CSNK1G3: variants seen among roughly 807,000 people sequenced by gnomAD.
The protein encoded by CSNK1G3 is casein kinase 1 gamma 3.
Under a neutral mutation model 64.3 loss-of-function variants are expected in CSNK1G3, and 23 were observed. The ratio of observed to expected loss-of-function variants is 0.36; its 90% CI spans 0.26 to 0.51. CSNK1G3 has a LOEUF of 0.51. Among genes scored for constraint, CSNK1G3 ranks in the 20% least tolerant of loss-of-function variants. The pLI, the probability that CSNK1G3 is intolerant of heterozygous loss-of-function variation, is 0.96. For missense variants in CSNK1G3, 357 were observed against 510.5 expected, an observed-to-expected ratio of 0.70 and a Z score of 2.90; for synonymous variants, 158 against 162.2, an observed-to-expected ratio of 0.97 and a Z score of 0.20.
chr5:123,594,955 G>A, intron 10 of CSNK1G3, 84 bp from the exon 11 acceptor site: 2 of 1,159,434 alleles, frequency 1.7e-6, no homozygotes, highest in Non-Finnish European at 2.5e-6. Flanking sequence ...TTATACGTTT[G>A]TTTTATATAT....
At chr5:123,560,859 A>G (rs538930712) in intron 4 of CSNK1G3, among the ~76,000 whole-genome samples, 2 of 152,250 alleles carry the variant, frequency 1.3e-5, no homozygotes, top group African/African-American at 2.4e-5. Context: ...GAGTTTCAGT[A>G]TGGGATGATG....
chr5:123,555,405 T>G (rs1255125686), intron 3 of CSNK1G3, among the ~76,000 whole-genome samples: 1 of 152,206 alleles, frequency 6.6e-6, no homozygotes, highest in Non-Finnish European at 1.5e-5. Flanking sequence ...TGATTTTGTT[T>G]AGACCTGCCA....
At chr5:123,512,962 G>C (rs1443733622) in intron 1 of CSNK1G3, among the ~76,000 whole-genome samples, 2 of 152,080 alleles carry the variant, frequency 1.3e-5, no homozygotes, top group African/African-American at 4.8e-5. Context: ...CGCCCACGGT[G>C]CTCCTTGACT....
At chr5:123,514,646 G>A (rs1776821722) in intron 1 of CSNK1G3, among the ~76,000 whole-genome samples, 1 of 151,900 alleles carries the variant, frequency 6.6e-6, no homozygotes, top group African/African-American at 2.4e-5. Flanking sequence ...ATTTTGAATG[G>A]ATGTAGAGCT....
chr5:123,528,943 T>C (rs1779493478), intron 1 of CSNK1G3, among the ~76,000 whole-genome samples: 1 of 152,214 alleles, frequency 6.6e-6, no homozygotes, highest in East Asian at 1.9e-4. Flanking sequence ...GTGTTCCCAG[T>C]TGACGTTGAA....
At chr5:123,587,426 C>A (rs1263734109) in intron 6 of CSNK1G3, among the ~76,000 whole-genome samples, 1 of 152,138 alleles carries the variant, frequency 6.6e-6, no homozygotes, top group Non-Finnish European at 1.5e-5. Flanking sequence ...TCTCCCTGAG[C>A]CTTAGTCTGT....
intron 4 of CSNK1G3, among the ~76,000 whole-genome samples, chr5:123,570,646 G>A (rs1270175763): frequency 6.6e-6 from 1 of 152,060 alleles, no homozygotes; most frequent in African/African-American, 2.4e-5. Context: ...ATGAGCTACC[G>A]CGCCCAGCCG....
intron 12 of CSNK1G3, among the ~76,000 whole-genome samples, chr5:123,608,761 C>T (rs1795799113): frequency 6.6e-6 from 1 of 151,996 alleles, no homozygotes; most frequent in African/African-American, 2.4e-5. Context: ...TTCAAGGTTT[C>T]TGATTTTACT....
At chr5:123,605,471 A>C in intron 12 of CSNK1G3, 109 bp downstream of exon 13, 1 of 1,181,354 alleles carries the variant, frequency 8.5e-7, no homozygotes, top group Non-Finnish European at 1.2e-6. Flanking sequence ...AGTGATTATA[A>C]TTGGTAAAAG....
chr5:123,574,356 A>G (rs974690539), intron 5 of CSNK1G3, among the ~76,000 whole-genome samples: 4 of 152,218 alleles, frequency 2.6e-5, no homozygotes, highest in Non-Finnish European at 5.9e-5. Flanking sequence ...TGACTCATTA[A>G]TTCTACAAAT....
chr5:123,513,433 G>A (rs1776609037), intron 1 of CSNK1G3, among the ~76,000 whole-genome samples: 1 of 152,120 alleles, frequency 6.6e-6, no homozygotes, highest in Non-Finnish European at 1.5e-5. Flanking sequence ...GAGTGTGCCT[G>A]TGTGTGTGGG....
chr5:123,589,055 A>C (rs11738688), intron 8 of CSNK1G3, among the ~76,000 whole-genome samples: 5 of 152,100 alleles, frequency 3.3e-5, no homozygotes, highest in Non-Finnish European at 5.9e-5. Flanking sequence ...TTTACTTAAG[A>C]TTTCTACATC....
At chr5:123,564,630 T>C (rs2150531199) in intron 4 of CSNK1G3, among the ~76,000 whole-genome samples, 1 of 152,264 alleles carries the variant, frequency 6.6e-6, no homozygotes. Flanking sequence ...AACAGTTAAA[T>C]TTTTACTTGT....
chr5:123,572,803 A>T (rs1788390425), intron 4 of CSNK1G3, among the ~76,000 whole-genome samples: 1 of 152,220 alleles, frequency 6.6e-6, no homozygotes. Flanking sequence ...TGAATAGGTC[A>T]GGTCCACCAG....
exon 9 of CSNK1G3, chr5:123,590,485 A>G: frequency 6.5e-7 from 1 of 1,539,752 alleles, no homozygotes; most frequent in Non-Finnish European, 8.7e-7. Context: ...TACTTAAGAA[A>G]GCTTTTTACT....
chr5:123,530,103 A>C (rs1386798193), intron 1 of CSNK1G3, among the ~76,000 whole-genome samples: 1 of 151,956 alleles, frequency 6.6e-6, no homozygotes, highest in Admixed American at 6.6e-5. Context: ...AAAAAAAATC[A>C]TAAATTAAAT....
intron 1 of CSNK1G3, among the ~76,000 whole-genome samples, chr5:123,521,381 T>C (rs1778069004): frequency 6.6e-6 from 1 of 152,130 alleles, no homozygotes; most frequent in African/African-American, 2.4e-5. Context: ...CTTTATATAA[T>C]TGAGATTCTG....
intron 12 of CSNK1G3, among the ~76,000 whole-genome samples, chr5:123,611,094 A>C (rs1796256388): frequency 6.6e-6 from 1 of 152,242 alleles, no homozygotes; most frequent in African/African-American, 2.4e-5. Context: ...AGTGCTGGGG[A>C]AGAGGAAGCA....
At chr5:123,560,583 G>C (rs549099004) in intron 4 of CSNK1G3, among the ~76,000 whole-genome samples, 1 of 152,280 alleles carries the variant, frequency 6.6e-6, no homozygotes, top group South Asian at 2.1e-4. Flanking sequence ...TCCCAGCACT[G>C]AGACTTGTGG....
Sources: gnomAD v4.1 joint callset for allele counts (sites outside exome capture counted in the v4.1 genomes callset) on GRCh38, gnomAD v4.1.1 for gene constraint, MANE v1.5 for transcripts, NCBI Gene and HGNC (gene_info 2026-07-23, HGNC 2026-07-21) for gene names.